BRAF: variants seen among roughly 807,000 people sequenced by gnomAD.
BRAF encodes serine/threonine-protein kinase B-raf.
Under a neutral mutation model 104.6 loss-of-function variants are expected in BRAF, and 16 were observed. The observed-to-expected ratio is 0.15, with a 90% CI of 0.10 to 0.23. The LOEUF is 0.23. Among genes scored for constraint, BRAF ranks in the 10% least tolerant of loss-of-function variants. The pLI is 1.00. For missense variants in BRAF, 541 were observed against 937.3 expected (o/e 0.58, Z 5.52); for synonymous variants, 310 against 341.6 (o/e 0.91, Z 1.02).
At chr7:140,913,465 A>G (rs1451768787) in intron 1 of BRAF, among the ~76,000 whole-genome samples, 1 of 132,858 alleles carries the variant, frequency 7.5e-6, no homozygotes. Flanking sequence ...AATGTTAATC[A>G]CAGCTTTTTT....
intron 18 of BRAF, among the ~76,000 whole-genome samples, chr7:140,736,333 T>C (rs763323311): frequency 6.6e-6 from 1 of 152,072 alleles, no homozygotes; most frequent in Non-Finnish European, 1.5e-5. Flanking sequence ...CCTCCCAAAG[T>C]GCTGGGATTA....
At chr7:140,770,930 CAA>C (rs568324541) in intron 14 of BRAF, among the ~76,000 whole-genome samples, 1,199 of 63,418 alleles carry the variant, frequency 0.019, 12 homozygotes, top group African/African-American at 0.06. Context: ...GATTCCATCT[CAA>C]AAAAAAAAAA....
At chr7:140,749,083 T>G (rs1040363912) in intron 17 of BRAF, 1 of 553,130 alleles carries the variant, frequency 1.8e-6, no homozygotes, top group Non-Finnish European at 3.1e-6. Flanking sequence ...TTTATTCCAT[T>G]GTAACATTCA....
intron 1 of BRAF, among the ~76,000 whole-genome samples, chr7:140,908,159 C>T (rs1263897469): frequency 6.6e-6 from 1 of 152,108 alleles, no homozygotes; most frequent in African/African-American, 2.4e-5. Flanking sequence ...TTTTATAGAT[C>T]TGTTTCTGCT....
chr7:140,813,963 T>C (rs572885598), intron 3 of BRAF, among the ~76,000 whole-genome samples: 1 of 152,118 alleles, frequency 6.6e-6, no homozygotes, highest in Non-Finnish European at 1.5e-5. Context: ...ATTGGATGTA[T>C]ATTTAGGCCA....
intron 14 of BRAF, among the ~76,000 whole-genome samples, chr7:140,772,634 TA>T (rs906152692): frequency 7.0e-4 from 106 of 152,096 alleles, no homozygotes; most frequent in African/African-American, 2.3e-3. Context: ...TCTCAAAATT[TA>T]AAAAAAGTAG....
chr7:140,885,311 G>A (rs1465677261), intron 1 of BRAF, among the ~76,000 whole-genome samples: 1 of 151,720 alleles, frequency 6.6e-6, no homozygotes, highest in Non-Finnish European at 1.5e-5. Context: ...CCCCAAAGTG[G>A]CTTTAAAAAA....
At chr7:140,738,602 G>C (rs893308335) in intron 18 of BRAF, among the ~76,000 whole-genome samples, 4 of 152,220 alleles carry the variant, frequency 2.6e-5, no homozygotes, top group African/African-American at 7.2e-5. Flanking sequence ...TAAGCTAGTT[G>C]AGGTATTTAG....
intron 19 of BRAF, chr7:140,733,889 A>C (rs1243027996): frequency 1.5e-6 from 1 of 660,224 alleles, no homozygotes; most frequent in Non-Finnish European, 1.9e-6. Context: ...GTATTTTAAA[A>C]AAAGCTATTT....
intron 3 of BRAF, among the ~76,000 whole-genome samples, chr7:140,817,415 A>G (rs1446801639): frequency 6.6e-6 from 1 of 152,210 alleles, no homozygotes; most frequent in East Asian, 1.9e-4. Context: ...ATCCCTATGA[A>G]AACACCAAAG....
intron 1 of BRAF, among the ~76,000 whole-genome samples, chr7:140,867,143 C>T (rs1254405772): frequency 3.3e-5 from 5 of 152,132 alleles, no homozygotes; most frequent in African/African-American, 1.2e-4. Context: ...TTGTGCCAGG[C>T]TCCATGAGGC....
chr7:140,754,865 T>G (rs1012703988), intron 14 of BRAF, among the ~76,000 whole-genome samples: 1 of 152,248 alleles, frequency 6.6e-6, no homozygotes, highest in Admixed American at 6.5e-5. Context: ...TCATATATTC[T>G]TAAAATATTT....
At position 140,719,993 on chromosome 7, in the gene BRAF, C is replaced by G. The variant is rs191480792; in HGVS notation, c.*6501G>C. The G allele has an allele frequency of 1.0e-2, 10,615 of 1,062,620 alleles. 55 individuals carry two copies. The highest frequency in any genetic ancestry group is 0.011 in the Non-Finnish European group (10,066 of 877,610). The allele number at this position is 1,062,620 out of a possible 1,614,324, so 65.8% of individuals were successfully genotyped here. ...TTCAAACAGGAAGCATCTCCCTTTC[C>G]TCTCCCTTACAGGAGTCATGTCCTC... On this transcript the variant is annotated 3_prime_UTR_variant, in exon 20 of 20. Coordinates refer to ENST00000644969, the MANE Select transcript of BRAF (RefSeq NM_001374258.1).
Position 140,782,081 on chromosome 7 carries a change from C to A in BRAF, c.1435-388G>T, listed in dbSNP as rs535507518. 7.0e-4 allele frequency among the ~76,000 whole-genome samples: 107 copies of A among 152,148 alleles called. No homozygotes were observed. The highest frequency in any genetic ancestry group is 1.3e-3 in the Non-Finnish European group (86 of 67,992). On this transcript the variant is annotated intron_variant, in intron 11 of 19. Coordinates refer to ENST00000644969, the MANE Select transcript of BRAF (RefSeq NM_001374258.1). Reference sequence around the variant, plus strand: ...CCCCTCCCCCTACCCCATGACAGGTCCCAGTGTGTGATGTTCCCTGCCCTG... The same window carrying A: ...CCCCTCCCCCTACCCCATGACAGGTACCAGTGTGTGATGTTCCCTGCCCTG...
chr7:140,756,340 A>G (rs770373865), intron 14 of BRAF, among the ~76,000 whole-genome samples: 2 of 152,192 alleles, frequency 1.3e-5, no homozygotes, highest in Admixed American at 6.5e-5. Context: ...CAAAAGCAGC[A>G]AAGAGTAGAA....
At chr7:140,902,536 T>C (rs193235542) in intron 1 of BRAF, among the ~76,000 whole-genome samples, 10 of 152,354 alleles carry the variant, frequency 6.6e-5, no homozygotes, top group Admixed American at 2.0e-4. Flanking sequence ...AGAAGGCATG[T>C]TGAAAGGCAG....
At chr7:140,852,325 C>T (rs1199076624) in intron 1 of BRAF, among the ~76,000 whole-genome samples, 1 of 150,474 alleles carries the variant, frequency 6.6e-6, no homozygotes, top group Non-Finnish European at 1.5e-5. Flanking sequence ...GCCATGAGTG[C>T]ACCACTACAC....
rs999200755 is a variant in BRAF, at chr7:140,724,696, A to C, written c.*1798T>G. On this transcript the variant is annotated 3_prime_UTR_variant, in exon 20 of 20. Transcript: ENST00000644969. ...TATAGACAGCAGGGCCTGGAGTTAC[A>C]ATCTGAAATTTTTAAATAACAATTT... The C allele has an allele frequency of 9.7e-7, 1 of 1,032,918 alleles. No individual in the cohort carries two copies. Among genetic ancestry groups the C allele is most frequent in the African/African-American group, 1.7e-5 (1 of 59,220 alleles). The allele number at this position is 1,032,918 out of a possible 1,614,324, so 64.0% of individuals were successfully genotyped here.
At chr7:140,875,352 A>G (rs552222124) in intron 1 of BRAF, among the ~76,000 whole-genome samples, 52 of 152,302 alleles carry the variant, frequency 3.4e-4, no homozygotes, top group African/African-American at 1.2e-3. Context: ...CACACATCAT[A>G]AAGTGTTGAA....
Sources: gnomAD v4.1 joint callset for allele counts (sites outside exome capture counted in the v4.1 genomes callset) on GRCh38, gnomAD v4.1.1 for gene constraint, MANE v1.5 for transcripts, NCBI Gene and HGNC (gene_info 2026-07-23, HGNC 2026-07-21) for gene names.